COX8A: variants seen among roughly 807,000 people sequenced by gnomAD.
The protein encoded by COX8A is cytochrome c oxidase subunit 8A.
COX8A carries 6 observed loss-of-function variants against 4.4 expected under a neutral mutation model. The observed-to-expected ratio is 1.36, with a 90% CI of 0.74 to 2.68. The LOEUF (loss-of-function observed/expected upper bound fraction) is 2.68, where lower values mean the gene tolerates loss of function less well. COX8A is among the 30% of genes most tolerant of loss of function. The pLI is 0.00. For synonymous variants in COX8A, 53 were observed against 47.1 expected, an observed-to-expected ratio of 1.12 and a Z score of -0.51; for missense variants, 72 against 89.6, an observed-to-expected ratio of 0.80 and a Z score of 0.79.
In COX8A at chr11:63,976,217, C is replaced by T; in HGVS notation, c.115-8C>T. 1 of 1,613,904 alleles carries T rather than the reference C, an allele frequency of 6.2e-7. No individual in the cohort carries two copies. Among genetic ancestry groups the T allele is most frequent in the Non-Finnish European group, 8.5e-7 (1 of 1,179,766 alleles). ...TCCGAGGTGCCTTCTTTCTTGTGCT[C>T]TGTGTAGGAATTGGCCGTTGGGCTT... is the stretch of plus-strand genomic sequence containing the variant. On this transcript the variant is annotated splice_region_variant and splice_polypyrimidine_tract_variant and intron_variant, in intron 1 of 1. Coordinates refer to ENST00000314133, the MANE Select transcript of COX8A (RefSeq NM_004074.3).
Position 63,974,708 on chromosome 11 carries a change from C to T in COX8A, c.28C>T (p.Arg10Trp), listed in dbSNP as rs1942523403. 1.9e-6 allele frequency: 3 copies of T among 1,610,062 alleles called. No homozygotes were observed. The highest frequency in any genetic ancestry group is 1.7e-6 in the Non-Finnish European group (2 of 1,178,286). ...GTCCGTCCTGACGCCGCTGCTGCTG[C>T]GGGGCTTGACAGGCTCGGCCCGGCG... Reference protein sequence around the residue: MSVLTPLLLRGLTGSARRLP... With the variant: MSVLTPLLLWGLTGSARRLP... Residue 10 changes from arginine to tryptophan, a missense_variant, in exon 1 of 2, where the codon CGG becomes TGG. Coordinates refer to ENST00000314133, the MANE Select transcript of COX8A (RefSeq NM_004074.3).
Position 63,976,472 on chromosome 11 carries a change from T to A in COX8A, c.*152T>A. 1.4e-6 allele frequency: 1 copy of A among 691,252 alleles called. No individual in the cohort carries two copies. The highest frequency in any genetic ancestry group is 2.5e-6 in the Non-Finnish European group (1 of 398,408). The allele number at this position is 691,252 out of a possible 1,614,324, so 42.8% of individuals were successfully genotyped here. On this transcript the variant is annotated 3_prime_UTR_variant, in exon 2 of 2. Coordinates refer to ENST00000314133, the MANE Select transcript of COX8A (RefSeq NM_004074.3). Reference sequence around the variant, plus strand: ...TCATGACCTCTTGATGTCTCCATGGTGACCTCCTTGGGGGTCACTGACCCT... The same window carrying A: ...TCATGACCTCTTGATGTCTCCATGGAGACCTCCTTGGGGGTCACTGACCCT...
At chr11:63,976,194 C>G in intron 1 of COX8A, 31 bp from the exon 2 acceptor site, 1 of 1,598,216 alleles carries the variant, frequency 6.3e-7, no homozygotes, top group Non-Finnish European at 8.6e-7. Context: ...ATACTGACTC[C>G]GAGGTGCCTT....
chr11:63,976,274 C>G lies in COX8A; in HGVS notation c.164C>G (p.Ala55Gly), dbSNP rs754961342. 6.2e-7 allele frequency: 1 copy of G among 1,614,154 alleles called. No individual in the cohort carries two copies. Among genetic ancestry groups the G allele is most frequent in the Admixed American group, 1.7e-5 (1 of 60,024 alleles). The change falls in exon 2 of 2, where the codon GCG (alanine) becomes GGG (glycine). Residue 55 changes from alanine to glycine, a missense_variant. Ala to Gly is a moderately conservative substitution (Grantham distance 60, BLOSUM62 0). Coordinates refer to ENST00000314133, the MANE Select transcript of COX8A (RefSeq NM_004074.3). ...TSCFVTFLLPAGWILSHLETY... is the reference protein window; with the variant it reads ...TSCFVTFLLPGGWILSHLETY... ...TGCTTCGTGACCTTCCTCCTGCCAG[C>G]GGGCTGGATCCTGTCACACCTGGAG...
At chr11:63,976,034 G>A (rs537509850) in intron 1 of COX8A, among the ~76,000 whole-genome samples, 191 bp from the exon 2 acceptor site, 1 of 152,128 alleles carries the variant, frequency 6.6e-6, no homozygotes, top group African/African-American at 2.4e-5. Context: ...TCAAGGGTTA[G>A]CGTAGCTTTG....
chr11:63,974,628 T>G lies in COX8A; in HGVS notation c.-53T>G. On this transcript the variant is annotated 5_prime_UTR_variant, in exon 1 of 2. Coordinates refer to ENST00000314133, the MANE Select transcript of COX8A (RefSeq NM_004074.3). ...TTCCGGCCAGCGCAGCCATTTTGGC[T>G]TCCTGACCTTGGGCTACGGCTGACC... 1.3e-6 allele frequency: 2 copies of G among 1,537,220 alleles called. No homozygotes were observed. Among genetic ancestry groups the G allele is most frequent in the Non-Finnish European group, 1.8e-6 (2 of 1,131,544 alleles).
Position 63,974,795 on chromosome 11 carries a change from G to T in COX8A, c.114+1G>T. ...GCCGGAGGGGAAGCTTGGGATCATG[G>T]TGAGGAACGGGCCTGGAAGAGCGCG... On this transcript the variant is annotated splice_donor_variant, in intron 1 of 1. Transcript: ENST00000314133. LOFTEE classifies it high-confidence loss of function. 1 of 1,598,332 alleles carries T rather than the reference G, an allele frequency of 6.3e-7. No individual in the cohort carries two copies. The highest frequency in any genetic ancestry group is 2.3e-5 in the East Asian group (1 of 44,440).
Position 63,974,775 on chromosome 11 carries a change from A to T in COX8A, c.95A>T (p.Glu32Val). ...GCCAAGATCCATTCGTTGCCGCCGG[A>T]GGGGAAGCTTGGGATCATGGTGAGG... The part of the protein sequence containing the change: ...PRAKIHSLPP[E>V]GKLGIMELAV... The change falls in exon 1 of 2, where the codon GAG (glutamate) becomes GTG (valine). Residue 32 changes from glutamate (E) to valine (V), a missense_variant. Coordinates refer to ENST00000314133, the MANE Select transcript of COX8A (RefSeq NM_004074.3). 6.2e-7 allele frequency: 1 copy of T among 1,606,820 alleles called. No individual in the cohort carries two copies. Among genetic ancestry groups the T allele is most frequent in the Non-Finnish European group, 8.5e-7 (1 of 1,176,842 alleles).
Position 63,976,365 on chromosome 11 carries a change from C to A in COX8A, c.*45C>A. 6.4e-7 allele frequency: 1 copy of A among 1,558,992 alleles called. No homozygotes were observed. Among genetic ancestry groups the A allele is most frequent in the Non-Finnish European group, 8.8e-7 (1 of 1,130,578 alleles). The stretch of plus-strand genomic sequence containing the variant: ...CACACTGTGACCTGACCAGCCCCAC[C>A]GGCCCATCCTGGTCATGTTACTGCA... On this transcript the variant is annotated 3_prime_UTR_variant, in exon 2 of 2. Coordinates refer to ENST00000314133, the MANE Select transcript of COX8A (RefSeq NM_004074.3).
At chr11:63,975,988 C>G (rs1466209762) in intron 1 of COX8A, among the ~76,000 whole-genome samples, 25 of 152,192 alleles carry the variant, frequency 1.6e-4, no homozygotes, top group Admixed American at 1.6e-3. Flanking sequence ...TCTCCTTCCT[C>G]TCACTCTTCC....
rs59811858 is a variant in COX8A, at chr11:63,976,399, C to T, written c.*79C>T. The stretch of plus-strand genomic sequence containing the variant: ...CTGGTCATGTTACTGCATTTGTGGC[C>T]GGCCTCCCCTGGATCATGTCATTCA... On this transcript the variant is annotated 3_prime_UTR_variant, in exon 2 of 2. Coordinates refer to ENST00000314133, the MANE Select transcript of COX8A (RefSeq NM_004074.3). 198 of 1,312,534 alleles carry T rather than the reference C, an allele frequency of 1.5e-4. No homozygotes were observed. In the African/African-American group the frequency reaches 2.6e-3, roughly 17 times the overall value. 81.3% of individuals were successfully genotyped at this position (1,312,534 alleles called of 1,614,324 possible).
intron 1 of COX8A, among the ~76,000 whole-genome samples, chr11:63,975,093 G>C (rs1013037573): frequency 3.3e-5 from 5 of 152,200 alleles, no homozygotes; most frequent in Non-Finnish European, 7.3e-5. Context: ...GCCGCTCTGA[G>C]CCCATTTTCT....
intron 1 of COX8A, 119 bp downstream of exon 1, chr11:63,974,913 C>A: frequency 2.1e-6 from 2 of 950,742 alleles, no homozygotes; most frequent in Non-Finnish European, 3.1e-6. Context: ...AGCAGCAGTG[C>A]CGGTTTGGGC....
At position 63,976,278 on chromosome 11, in the gene COX8A, C is replaced by G; in HGVS notation, c.168C>G (p.Gly56=). 1 of 1,614,204 alleles carries G rather than the reference C, an allele frequency of 6.2e-7. No homozygotes were observed. The change falls in exon 2 of 2, where the codon GGC becomes GGG. Residue 56 remains glycine, a synonymous_variant. Transcript: ENST00000314133. ...TCGTGACCTTCCTCCTGCCAGCGGG[C>G]TGGATCCTGTCACACCTGGAGACCT... is the stretch of plus-strand genomic sequence containing the variant. ...SCFVTFLLPA[G]WILSHLETYR...
At chr11:63,975,177 T>G (rs1942528539) in intron 1 of COX8A, among the ~76,000 whole-genome samples, 1 of 152,146 alleles carries the variant, frequency 6.6e-6, no homozygotes, top group Admixed American at 6.5e-5. Flanking sequence ...TTTATTTTAT[T>G]TTATTTTACT....
intron 1 of COX8A, among the ~76,000 whole-genome samples, chr11:63,975,189 A>G (rs1942528579): frequency 1.3e-5 from 2 of 151,882 alleles, no homozygotes; most frequent in Middle Eastern, 3.4e-3. Flanking sequence ...TATTTTACTT[A>G]TTTATTTTGA....
intron 1 of COX8A, among the ~76,000 whole-genome samples, chr11:63,975,518 G>A (rs1328456883): frequency 6.6e-6 from 1 of 151,960 alleles, no homozygotes; most frequent in Non-Finnish European, 1.5e-5. Flanking sequence ...GTATCGTTTT[G>A]GAGTTACTGG....
rs560025456 is a variant in COX8A at position 63,975,568 on chromosome 11, T to G, written c.115-657T>G. On this transcript the variant is annotated intron_variant, in intron 1 of 1. Coordinates refer to ENST00000314133, the MANE Select transcript of COX8A (RefSeq NM_004074.3). ...CTGGGTCTTAACATACAGGCTTTGC[T>G]TTTTTTGTTTGTTGTTTGTTTTTTT... 2.0e-5 allele frequency among the ~76,000 whole-genome samples: 3 copies of G among 151,818 alleles called. No homozygotes were observed. In the South Asian group the frequency reaches 6.3e-4, roughly 32 times the overall value.
In COX8A at chr11:63,976,490, C is replaced by CCA; in HGVS notation, c.*170_*171insCA. On this transcript the variant is annotated 3_prime_UTR_variant, in exon 2 of 2. Coordinates refer to ENST00000314133, the MANE Select transcript of COX8A (RefSeq NM_004074.3). ...TCCATGGTGACCTCCTTGGGGGTCA[C>CCA]TGACCCTGCTTGGTGGGGTCCCCCT... The CCA allele has an allele frequency of 1.6e-6, 1 of 620,050 alleles. No homozygotes were observed. The highest frequency in any genetic ancestry group is 2.8e-6 in the Non-Finnish European group (1 of 350,964). 38.4% of individuals were successfully genotyped at this position (620,050 alleles called of 1,614,324 possible).
Sources: allele counts gnomAD v4.1 joint callset (sites outside exome capture counted in the v4.1 genomes callset), GRCh38; gene constraint gnomAD v4.1.1; transcripts MANE v1.5; gene names NCBI Gene and HGNC (gene_info 2026-07-23, HGNC 2026-07-21).